Variants in PPFIA2 observed in about 807,000 individuals in gnomAD.
The protein encoded by PPFIA2 is PPFI scaffold protein A2.
PPFIA2 carries 46 observed loss-of-function variants against 175.5 expected under a neutral mutation model. The observed-to-expected ratio is 0.26, with a 90% CI of 0.21 to 0.34. The LOEUF (loss-of-function observed/expected upper bound fraction) is 0.34. PPFIA2 is among the 10% of genes least tolerant of loss of function. The pLI is 1.00. For missense variants in PPFIA2, 1,179 were observed against 1,506.1 expected (o/e 0.78, Z 3.60); for synonymous variants, 568 against 511.4 (o/e 1.11, Z -1.49).
intron 15 of PPFIA2, among the ~76,000 whole-genome samples, chr12:81,362,246 T>C (rs1471854802): frequency 6.6e-6 from 1 of 150,996 alleles, no homozygotes; most frequent in Non-Finnish European, 1.5e-5. Context: ...CCATAATCAA[T>C]AATATTTGTT....
At chr12:81,479,788 T>C (rs2057974419) in intron 4 of PPFIA2, among the ~76,000 whole-genome samples, 1 of 152,236 alleles carries the variant, frequency 6.6e-6, no homozygotes, top group Admixed American at 6.5e-5. Context: ...GTTAGTCTGA[T>C]GGACTTCCCT....
intron 8 of PPFIA2, among the ~76,000 whole-genome samples, chr12:81,393,025 C>T (rs2040437994): frequency 6.6e-6 from 1 of 152,028 alleles, no homozygotes; most frequent in African/African-American, 2.4e-5. Context: ...CTGTAACAAT[C>T]TTGTAACTGG....
intron 4 of PPFIA2, among the ~76,000 whole-genome samples, chr12:81,597,039 G>C (rs2059321170): frequency 6.6e-6 from 1 of 152,010 alleles, no homozygotes. Flanking sequence ...TAATTCTCTA[G>C]GCCGTTATAC....
At chr12:81,414,601 G>T (rs2044601236) in intron 7 of PPFIA2, among the ~76,000 whole-genome samples, 1 of 151,408 alleles carries the variant, frequency 6.6e-6, no homozygotes, top group African/African-American at 2.4e-5. Context: ...AATTAACAAA[G>T]ATTCTTTTCA....
chr12:81,494,588 T>A (rs918513970), intron 4 of PPFIA2, among the ~76,000 whole-genome samples: 1 of 151,886 alleles, frequency 6.6e-6, no homozygotes, highest in Non-Finnish European at 1.5e-5. Flanking sequence ...GCCATCCCAT[T>A]ACTGGGTATA....
chr12:81,566,313 A>G (rs1444858976), intron 4 of PPFIA2, among the ~76,000 whole-genome samples: 2 of 152,028 alleles, frequency 1.3e-5, no homozygotes, highest in East Asian at 3.9e-4. Flanking sequence ...CATGAGGTCA[A>G]GAGATCGAGA....
In PPFIA2 at chr12:81,613,454, C is replaced by T. The variant is rs1015155911; in HGVS notation, c.303+63337G>A. Among the ~76,000 whole-genome samples, 9 of 152,128 alleles carry T rather than the reference C, an allele frequency of 5.9e-5. No individual in the cohort carries two copies. The East Asian group carries it at 1.7e-3, about 29-fold the overall frequency. ...TTAAATTTCAACCACTTTTTGTTAG[C>T]AACTGTTAAAATTCTTAGACATTCC... On this transcript the variant is annotated intron_variant, in intron 4 of 32. Coordinates refer to ENST00000549396, the MANE Select transcript of PPFIA2 (RefSeq NM_003625.5).
At chr12:81,428,804 C>A (rs545748697) in intron 7 of PPFIA2, among the ~76,000 whole-genome samples, 1 of 152,132 alleles carries the variant, frequency 6.6e-6, no homozygotes, top group Admixed American at 6.5e-5. Context: ...ATAATACGTT[C>A]CCAATAAGTG....
intron 8 of PPFIA2, among the ~76,000 whole-genome samples, chr12:81,393,878 T>C (rs770681898): frequency 1.1e-4 from 16 of 152,066 alleles, no homozygotes; most frequent in Non-Finnish European, 1.9e-4. Flanking sequence ...AAATTCTTCC[T>C]GAAGAATCAC....
intron 3 of PPFIA2, among the ~76,000 whole-genome samples, chr12:81,695,051 A>G (rs2075735818): frequency 6.6e-6 from 1 of 152,088 alleles, no homozygotes; most frequent in African/African-American, 2.4e-5. Context: ...AATCTTGGAA[A>G]TAACTAATTT....
At chr12:81,415,162 T>C (rs1287468785) in intron 7 of PPFIA2, among the ~76,000 whole-genome samples, 1 of 105,994 alleles carries the variant, frequency 9.4e-6, no homozygotes, top group Non-Finnish European at 1.8e-5. Flanking sequence ...TTGTGAGAAT[T>C]TATCTTGGTT....
chr12:81,410,590 T>C (rs2043759162), intron 7 of PPFIA2, among the ~76,000 whole-genome samples: 1 of 152,092 alleles, frequency 6.6e-6, no homozygotes, highest in Non-Finnish European at 1.5e-5. Flanking sequence ...ATTTATCAAG[T>C]GTCTGTTGAC....
At chr12:81,373,011 A>G (rs1278052194) in intron 11 of PPFIA2, among the ~76,000 whole-genome samples, 1 of 151,740 alleles carries the variant, frequency 6.6e-6, no homozygotes, top group Non-Finnish European at 1.5e-5. Context: ...AATTCCAGTT[A>G]TTTTTATATA....
chr12:81,417,113 C>T (rs1484059682), intron 7 of PPFIA2: 3 of 151,620 alleles, frequency 2.0e-5, no homozygotes, highest in Admixed American at 2.0e-4. Flanking sequence ...CTAATCATGT[C>T]TTTGTCTTCT....
At chr12:81,477,040 C>T (rs533025762) in intron 4 of PPFIA2, among the ~76,000 whole-genome samples, 1 of 151,870 alleles carries the variant, frequency 6.6e-6, no homozygotes, top group African/African-American at 2.4e-5. Flanking sequence ...GGGGAACACA[C>T]ACTGGAGCCT....
At chr12:81,460,392 C>T (rs919949912) in intron 4 of PPFIA2, among the ~76,000 whole-genome samples, 1 of 152,100 alleles carries the variant, frequency 6.6e-6, no homozygotes, top group Non-Finnish European at 1.5e-5. Context: ...CATTAAACCT[C>T]TTTTTCTTTA....
At chr12:81,654,776 T>C (rs1283049532) in intron 4 of PPFIA2, among the ~76,000 whole-genome samples, 1 of 152,106 alleles carries the variant, frequency 6.6e-6, no homozygotes, top group East Asian at 1.9e-4. Flanking sequence ...TTATTTTAAG[T>C]CATTAAGGTT....
intron 9 of PPFIA2, among the ~76,000 whole-genome samples, chr12:81,379,319 T>C (rs2037117185): frequency 6.6e-6 from 1 of 152,186 alleles, no homozygotes; most frequent in Non-Finnish European, 1.5e-5. Context: ...ATAAATTGGA[T>C]TTTGTTCATA....
chr12:81,552,584 GT>G (rs2068106009), intron 4 of PPFIA2, among the ~76,000 whole-genome samples: 1 of 151,802 alleles, frequency 6.6e-6, no homozygotes, highest in Non-Finnish European at 1.5e-5. Flanking sequence ...CTTATTATAT[GT>G]TTGAACAATA....
Sources: allele counts gnomAD v4.1 joint callset (sites outside exome capture counted in the v4.1 genomes callset), GRCh38; gene constraint gnomAD v4.1.1; transcripts MANE v1.5; gene names NCBI Gene and HGNC (gene_info 2026-07-23, HGNC 2026-07-21).